The following CA10 variants were observed in gnomAD, a reference collection of about 807,000 sequenced individuals.
The protein encoded by CA10 is carbonic anhydrase 10 (inactive), also known as carbonic anhydrase-related protein 10.
CA10 carries 14 observed loss-of-function variants against 44.2 expected under a neutral mutation model. The observed-to-expected ratio is 0.32, with a 90% CI of 0.21 to 0.50. CA10 has a LOEUF of 0.50. Ranked by LOEUF, CA10 falls within the 20% of genes least tolerant of loss-of-function variation. The pLI is 0.99. For synonymous variants in CA10, 159 were observed against 141.6 expected (o/e 1.12, Z -0.87); for missense variants, 350 against 409.7 (o/e 0.85, Z 1.26).
At chr17:51,914,169 T>A (rs1981898657) in intron 3 of CA10, among the ~76,000 whole-genome samples, 1 of 152,142 alleles carries the variant, frequency 6.6e-6, no homozygotes, top group South Asian at 2.1e-4. Context: ...CAATCATGCT[T>A]TTGGGGTGAA....
In CA10 at chr17:51,896,289, G is replaced by A. The variant is rs567663659; in HGVS notation, c.279+34701C>T. ...CCCAGTGTCTGTTGTTCCCTTCTTT[G>A]TGTCCACATATGCTCAATGTTTAGC... On this transcript the variant is annotated intron_variant, in intron 3 of 8. Transcript: ENST00000451037. 4.0e-5 allele frequency among the ~76,000 whole-genome samples: 6 copies of A among 151,756 alleles called. 1 individual carries two copies. The highest frequency in any genetic ancestry group is 8.8e-5 in the Non-Finnish European group (6 of 67,962).
chr17:51,700,380 T>C (rs1915551963), intron 4 of CA10, among the ~76,000 whole-genome samples: 1 of 152,174 alleles, frequency 6.6e-6, no homozygotes, highest in South Asian at 2.1e-4. Context: ...ATCCTGGCAA[T>C]GGCTGACAAG....
intron 4 of CA10, among the ~76,000 whole-genome samples, chr17:51,693,574 T>G (rs1915294112): frequency 6.6e-6 from 1 of 152,186 alleles, no homozygotes; most frequent in Non-Finnish European, 1.5e-5. Flanking sequence ...CTCCTATTTA[T>G]AAGTGAGAAC....
chr17:52,080,556 G>C (rs2143170137), intron 1 of CA10, among the ~76,000 whole-genome samples: 1 of 151,894 alleles, frequency 6.6e-6, no homozygotes, highest in African/African-American at 2.4e-5. Flanking sequence ...ATCATCAGGA[G>C]GAAAGTCCCT....
At chr17:51,697,214 A>G (rs1915432452) in intron 4 of CA10, among the ~76,000 whole-genome samples, 1 of 152,186 alleles carries the variant, frequency 6.6e-6, no homozygotes. Context: ...GGGAACAGTA[A>G]CATGTATTTT....
At chr17:52,026,213 AG>A (rs1467881095) in intron 2 of CA10, among the ~76,000 whole-genome samples, 2 of 152,102 alleles carry the variant, frequency 1.3e-5, no homozygotes, top group Non-Finnish European at 2.9e-5. Flanking sequence ...GACATGGGTT[AG>A]GGGCCCCATG....
chr17:51,689,704 T>A (rs1050067409), intron 4 of CA10, among the ~76,000 whole-genome samples: 1 of 152,212 alleles, frequency 6.6e-6, no homozygotes, highest in African/African-American at 2.4e-5. Context: ...CCAGCCTCCA[T>A]GTGCCCTGTG....
intron 4 of CA10, among the ~76,000 whole-genome samples, chr17:51,712,452 G>A (rs188849599): frequency 5.3e-5 from 8 of 152,272 alleles, no homozygotes; most frequent in African/African-American, 1.9e-4. Flanking sequence ...CTCATAAAAT[G>A]TTTTTCTTTG....
chr17:51,757,956 G>T (rs1374560446), intron 3 of CA10, among the ~76,000 whole-genome samples: 1 of 152,108 alleles, frequency 6.6e-6, no homozygotes, highest in Non-Finnish European at 1.5e-5. Flanking sequence ...TGGCTTAGAT[G>T]TAGGTAAATA....
intron 1 of CA10, among the ~76,000 whole-genome samples, chr17:52,120,960 C>A (rs1366289084): frequency 6.6e-6 from 1 of 152,164 alleles, no homozygotes; most frequent in African/African-American, 2.4e-5. Context: ...AGGAAAGAAT[C>A]CTGTATCATT....
chr17:51,868,793 C>T (rs769790546), intron 3 of CA10, among the ~76,000 whole-genome samples: 17 of 152,026 alleles, frequency 1.1e-4, no homozygotes, highest in Middle Eastern at 3.4e-3. Flanking sequence ...CAGCTCTCCT[C>T]GATTCTTGCC....
chr17:51,675,575 G>A (rs534744577), intron 4 of CA10, among the ~76,000 whole-genome samples: 11 of 151,094 alleles, frequency 7.3e-5, no homozygotes, highest in African/African-American at 2.4e-4. Flanking sequence ...AATTAGCCAG[G>A]TGTGGTGGCA....
chr17:51,985,579 T>A (rs1224278451), intron 2 of CA10, among the ~76,000 whole-genome samples: 1 of 151,992 alleles, frequency 6.6e-6, no homozygotes, highest in Non-Finnish European at 1.5e-5. Context: ...TGTCACTGTT[T>A]GCTGATGATA....
At chr17:51,786,677 T>TA (rs1418751697) in intron 3 of CA10, among the ~76,000 whole-genome samples, 114 of 152,184 alleles carry the variant, frequency 7.5e-4, no homozygotes, top group Admixed American at 7.5e-3. Flanking sequence ...ATTCCAGTAA[T>TA]ATGTTGAGTA....
At chr17:51,769,379 G>A (rs1905510145) in intron 3 of CA10, among the ~76,000 whole-genome samples, 1 of 152,128 alleles carries the variant, frequency 6.6e-6, no homozygotes, top group Non-Finnish European at 1.5e-5. Flanking sequence ...GGACTGAGGA[G>A]TAAATACACA....
At chr17:51,976,192 T>G (rs1984456623) in intron 2 of CA10, among the ~76,000 whole-genome samples, 1 of 152,206 alleles carries the variant, frequency 6.6e-6, no homozygotes, top group South Asian at 2.1e-4. Flanking sequence ...GAATTAGATT[T>G]GTTCACAATC....
intron 2 of CA10, among the ~76,000 whole-genome samples, chr17:52,058,365 T>A (rs1012648861): frequency 6.6e-6 from 1 of 152,188 alleles, no homozygotes; most frequent in African/African-American, 2.4e-5. Flanking sequence ...TACAAAAATG[T>A]TTGAGACACA....
intron 4 of CA10, among the ~76,000 whole-genome samples, chr17:51,692,316 T>C (rs1915225991): frequency 1.3e-5 from 2 of 151,068 alleles, no homozygotes; most frequent in Admixed American, 6.6e-5. Context: ...TGTTAACATA[T>C]AGTAATGCTA....
At chr17:51,780,801 A>C (rs2143676588) in intron 3 of CA10, among the ~76,000 whole-genome samples, 1 of 152,332 alleles carries the variant, frequency 6.6e-6, no homozygotes, top group Non-Finnish European at 1.5e-5. Flanking sequence ...AGTGTGAGCA[A>C]GAGCCTGGAG....
Sources: allele counts gnomAD v4.1 joint callset (sites outside exome capture counted in the v4.1 genomes callset), GRCh38; gene constraint gnomAD v4.1.1; transcripts MANE v1.5; gene names NCBI Gene and HGNC (gene_info 2026-07-23, HGNC 2026-07-21).